Variants in ANKRD11 observed in about 807,000 individuals in gnomAD.
ANKRD11 encodes ankyrin repeat domain 11.
A neutral mutation model predicts 195.7 loss-of-function variants in ANKRD11; 17 were observed. The observed-to-expected ratio is 0.09, with a 90% CI of 0.06 to 0.13. ANKRD11 has a LOEUF of 0.13. ANKRD11 is among the 10% of genes least tolerant of loss of function. ANKRD11 has a pLI of 1.00. For missense variants in ANKRD11, 3,735 were observed against 3,566.1 expected, an observed-to-expected ratio of 1.05 and a Z score of -1.21; for synonymous variants, 1,953 against 1,528.1, an observed-to-expected ratio of 1.28 and a Z score of -6.49.
At chr16:89,334,268 A>ACAATCC (rs1223542899) in intron 2 of ANKRD11, among the ~76,000 whole-genome samples, 1 of 151,344 alleles carries the variant, frequency 6.6e-6, no homozygotes, top group Non-Finnish European at 1.5e-5. Flanking sequence ...AATGGCCTTC[A>ACAATCC]CAATCCCTGC....
At position 89,285,947 on chromosome 16, in the gene ANKRD11, C is replaced by A. The variant is rs561826999; in HGVS notation, c.892+92G>T. ...TAAGCCCCCAGCATCCGAGGAGGAG[C>A]TGATCAGAGGGGCAACACTGTGCAA... On this transcript the variant is annotated intron_variant, in intron 8 of 12. Coordinates refer to ENST00000301030, the MANE Select transcript of ANKRD11 (RefSeq NM_013275.6). This position sits in a 1 kb window ranked among gnomAD's most constrained non-coding sequence, Gnocchi z 5.6. 1.3e-6 allele frequency: 2 copies of A among 1,594,186 alleles called. No homozygotes were observed. The highest frequency in any genetic ancestry group is 1.7e-6 in the Non-Finnish European group (2 of 1,166,488).
intron 2 of ANKRD11, among the ~76,000 whole-genome samples, chr16:89,359,532 TC>T (rs1346340279): frequency 6.6e-6 from 1 of 152,208 alleles, no homozygotes; most frequent in African/African-American, 2.4e-5. Flanking sequence ...ACCTCCTTGT[TC>T]CGGCCCTGCA....
At chr16:89,300,704 T>C (rs1284794837) in intron 4 of ANKRD11, 1 of 538,996 alleles carries the variant, frequency 1.9e-6, no homozygotes, top group Non-Finnish European at 3.3e-6. Context: ...GGAACAAACA[T>C]GACGTCAGGA....
In ANKRD11 at chr16:89,409,288, G is replaced by C. The variant is rs2042027618; in HGVS notation, c.-60+8996C>G. ...GTTAGAATAAATCACTAGGCTACAA[G>C]AAAGCTCAAACCCCCACAGGTTCTA... On this transcript the variant is annotated intron_variant, in intron 2 of 12. Coordinates refer to ENST00000301030, the MANE Select transcript of ANKRD11 (RefSeq NM_013275.6). Among the ~76,000 whole-genome samples, 6 of 152,304 alleles carry C rather than the reference G, an allele frequency of 3.9e-5. No individual in the cohort carries two copies. The South Asian group carries it at 1.2e-3, about 32-fold the overall frequency.
chr16:89,297,166 A>C (rs1342567608), intron 4 of ANKRD11, among the ~76,000 whole-genome samples: 1 of 152,226 alleles, frequency 6.6e-6, no homozygotes, highest in Non-Finnish European at 1.5e-5. Context: ...TTTTGTATCA[A>C]TCATTTAGCA....
chr16:89,488,052 A>G (rs1186303046), intron 1 of ANKRD11, among the ~76,000 whole-genome samples: 11 of 152,212 alleles, frequency 7.2e-5, no homozygotes, highest in Admixed American at 7.2e-4. Flanking sequence ...TGAGAGCTGC[A>G]AAAGAGGAAC....
Position 89,281,882 on chromosome 16 carries a change from T to C in ANKRD11, c.4660A>G (p.Lys1554Glu). Residue 1554 changes from lysine (K) to glutamate (E), a missense_variant, in exon 9 of 13, where the codon AAG becomes GAG. By Grantham distance (56) the Lys-to-Glu change is moderately conservative. Coordinates refer to ENST00000301030, the MANE Select transcript of ANKRD11 (RefSeq NM_013275.6). This position sits in a 1 kb window ranked among gnomAD's most constrained non-coding sequence, Gnocchi z 5.5. ...DPVKMSNGND[K>E]VAPSKDPGKK... ...CCTGGGTCTTTGGATGGCGCTACCT[T>C]ATCATTCCCGTTGCTCATCTTCACT... 6.2e-7 allele frequency: 1 copy of C among 1,613,920 alleles called. No homozygotes were observed. The highest frequency in any genetic ancestry group is 8.5e-7 in the Non-Finnish European group (1 of 1,180,022).
intron 1 of ANKRD11, among the ~76,000 whole-genome samples, chr16:89,472,386 G>A (rs572283328): frequency 6.6e-6 from 1 of 152,144 alleles, no homozygotes; most frequent in South Asian, 2.1e-4. Context: ...GGAAGGGGAA[G>A]GGAGAAAAAA....
In ANKRD11 at chr16:89,268,363, C is replaced by CG. The variant is rs1162926339; in HGVS notation, c.*114dup. 3.4e-4 allele frequency: 182 copies of CG among 534,644 alleles called. No individual in the cohort carries two copies. The East Asian group carries it at 5.4e-3, about 16-fold the overall frequency. The allele number at this position is 534,644 out of a possible 1,614,324, so 33.1% of individuals were successfully genotyped here. On this transcript the variant is annotated 3_prime_UTR_variant, in exon 13 of 13. Coordinates refer to ENST00000301030, the MANE Select transcript of ANKRD11 (RefSeq NM_013275.6). ...CGCTGTGGCCAAGTGCAGTCTCTCT[C>CG]GGGGTCTCTCCCCGCCCGGGTGGAC...
chr16:89,444,797 A>C (rs2043708299), intron 1 of ANKRD11, among the ~76,000 whole-genome samples: 1 of 151,160 alleles, frequency 6.6e-6, no homozygotes, highest in Non-Finnish European at 1.5e-5. Context: ...TAAATAAATA[A>C]AATGTAAAAA....
chr16:89,463,017 G>A (rs1304236866), intron 1 of ANKRD11, among the ~76,000 whole-genome samples: 268 of 147,906 alleles, frequency 1.8e-3, no homozygotes, highest in African/African-American at 6.3e-3. Context: ...TCAGCCCCCC[G>A]CCAGGCCAGC....
chr16:89,452,401 T>C lies in ANKRD11; in HGVS notation c.-144-34033A>G, dbSNP rs529864736. 3.3e-5 allele frequency among the ~76,000 whole-genome samples: 5 copies of C among 152,254 alleles called. No homozygotes were observed. In the South Asian group the frequency reaches 6.2e-4, roughly 19 times the overall value. ...TGCCTGGTGTCCTGCCACCAATGGCTCCAGGAACCCCAAGTTCTCTCCCAC... is the reference window on the plus strand; with the variant it reads ...TGCCTGGTGTCCTGCCACCAATGGCCCCAGGAACCCCAAGTTCTCTCCCAC... On this transcript the variant is annotated intron_variant, in intron 1 of 12. Transcript: ENST00000301030.
chr16:89,446,157 G>C (rs1233595180), intron 1 of ANKRD11, among the ~76,000 whole-genome samples: 1 of 152,012 alleles, frequency 6.6e-6, no homozygotes, highest in East Asian at 1.9e-4. Flanking sequence ...CATGAAGGCA[G>C]TGGGTAGAAA....
At chr16:89,311,967 A>G (rs1347649538) in intron 3 of ANKRD11, among the ~76,000 whole-genome samples, 1 of 152,138 alleles carries the variant, frequency 6.6e-6, no homozygotes, top group African/African-American at 2.4e-5. Flanking sequence ...ATGCGATCTC[A>G]GCTCACTGCA....
chr16:89,300,773 T>C (rs960830794), intron 4 of ANKRD11: 30 of 659,022 alleles, frequency 4.6e-5, no homozygotes, highest in African/African-American at 4.5e-4. Flanking sequence ...CTGGCAGCAC[T>C]GCAGAGAGCA....
At position 89,410,128 on chromosome 16, in the gene ANKRD11, C is replaced by T. The variant is rs114430148; in HGVS notation, c.-60+8156G>A. The stretch of plus-strand genomic sequence containing the variant: ...TGCTGGGATTACAGGCGTGAGCCAC[C>T]GCGTCCAGCCTCAATCTAAATTTAA... On this transcript the variant is annotated intron_variant, in intron 2 of 12. Transcript: ENST00000301030. 6.5e-3 allele frequency among the ~76,000 whole-genome samples: 989 copies of T among 152,258 alleles called. 17 individuals are homozygous for T. Among genetic ancestry groups the T allele is most frequent in the African/African-American group, 0.023 (947 of 41,544 alleles).
chr16:89,347,327 C>T (rs2038988349), intron 2 of ANKRD11, among the ~76,000 whole-genome samples: 1 of 152,090 alleles, frequency 6.6e-6, no homozygotes, highest in African/African-American at 2.4e-5. Flanking sequence ...GAGTTCCGTT[C>T]GGCCGGGCAC....
intron 2 of ANKRD11, among the ~76,000 whole-genome samples, chr16:89,404,060 A>C (rs2041811610): frequency 6.6e-6 from 1 of 152,246 alleles, no homozygotes; most frequent in African/African-American, 2.4e-5. Flanking sequence ...AAACTACAGG[A>C]AACTCTCAGA....
intron 2 of ANKRD11, among the ~76,000 whole-genome samples, chr16:89,397,046 G>A (rs2041469171): frequency 1.3e-5 from 2 of 151,614 alleles, no homozygotes; most frequent in South Asian, 4.2e-4. Flanking sequence ...TAAAGAATGT[G>A]CTGCTTATAT....
Sources: allele counts gnomAD v4.1 joint callset (sites outside exome capture counted in the v4.1 genomes callset), GRCh38; gene constraint gnomAD v4.1.1; non-coding constraint Gnocchi (gnomAD v3.1); transcripts MANE v1.5; gene names NCBI Gene and HGNC (gene_info 2026-07-23, HGNC 2026-07-21).